UNG: variants seen among roughly 807,000 people sequenced by gnomAD.
UNG encodes the protein uracil-DNA glycosylase.
A neutral mutation model predicts 36.5 loss-of-function variants in UNG; 34 were observed. The ratio of observed to expected loss-of-function variants is 0.93; its 90% CI spans 0.71 to 1.24. UNG has a LOEUF of 1.24. Ranked by LOEUF, UNG falls within the 50% of genes most tolerant of loss-of-function variation. The probability of loss-of-function intolerance (pLI) is 0.00; values close to 1 mark genes in which losing one functional copy is unlikely to be tolerated. For synonymous variants in UNG, 172 were observed against 157.8 expected (o/e 1.09, Z -0.67); for missense variants, 391 against 397.6 (o/e 0.98, Z 0.14).
chr12:109,101,949 A>G lies in UNG; in HGVS notation c.483A>G (p.Gln161=). Residue 161 remains glutamine (Q), a synonymous_variant, in exon 4 of 7, where the codon CAA becomes CAG. Transcript: ENST00000242576. ...LGQDPYHGPN[Q]AHGLCFSVQR... Reference sequence around the variant, plus strand: ...AGGATCCATATCATGGACCTAATCAAGCTCACGGGCTCTGCTTTAGTGTTC... The same window carrying G: ...AGGATCCATATCATGGACCTAATCAGGCTCACGGGCTCTGCTTTAGTGTTC... 1 of 1,614,088 alleles carries G rather than the reference A, an allele frequency of 6.2e-7. No individual in the cohort carries two copies. The highest frequency in any genetic ancestry group is 1.7e-5 in the Admixed American group (1 of 60,018).
rs2042251214 is a variant in UNG, at chr12:109,110,241, CTT to C, written c.*274_*275del. On this transcript the variant is annotated 3_prime_UTR_variant, in exon 7 of 7. Transcript: ENST00000242576. ...TGAGGTCAAATACTCAGTTGGCTCT[CTT>C]TATCTCCCTTGCCTTTATGGTGAAA... 2.1e-6 allele frequency: 1 copy of C among 483,672 alleles called. No homozygotes were observed. The highest frequency in any genetic ancestry group is 2.0e-5 in the African/African-American group (1 of 51,182). 30.0% of individuals were successfully genotyped at this position (483,672 alleles called of 1,614,324 possible).
chr12:109,106,922 T>TAC (rs1166230633), intron 6 of UNG, among the ~76,000 whole-genome samples: 14 of 67,818 alleles, frequency 2.1e-4, no homozygotes, highest in African/African-American at 6.8e-4. Flanking sequence ...TATATGTGTA[T>TAC]ATATATATAT....
At chr12:109,098,212 A>G (rs1430730327) in intron 1 of UNG, 7 of 1,455,788 alleles carry the variant, frequency 4.8e-6, no homozygotes, top group Non-Finnish European at 6.3e-6. Flanking sequence ...TCGGGAAGCC[A>G]TAGGGCGCCT....
At chr12:109,100,217 C>G (rs540976884) in intron 3 of UNG, among the ~76,000 whole-genome samples, 1 of 152,322 alleles carries the variant, frequency 6.6e-6, no homozygotes, top group African/African-American at 2.4e-5. Flanking sequence ...CCACTTCTGT[C>G]TCTTAAAAAT....
chr12:109,098,706 G>A, intron 2 of UNG, 68 bp downstream of exon 2: 2 of 1,603,184 alleles, frequency 1.2e-6, no homozygotes, highest in Non-Finnish European at 1.7e-6. Context: ...TCTTGTTAGT[G>A]TAGCCGGCCA....
chr12:109,106,460 T>C (rs983760239), intron 6 of UNG, among the ~76,000 whole-genome samples: 4 of 152,024 alleles, frequency 2.6e-5, no homozygotes, highest in Admixed American at 2.0e-4. Flanking sequence ...AGTTTTTATA[T>C]ACAGAAAAGA....
In UNG at chr12:109,103,461, G is replaced by C; in HGVS notation, c.651G>C (p.Thr217=). The part of the protein sequence containing the change: ...QGVLLLNAVL[T]VRAHQANSHK... ...TTCTCCTTCTCAACGCTGTCCTCAC[G>C]GTTCGTGCCCATCAAGCCAACTCTC... is the stretch of plus-strand genomic sequence containing the variant. Residue 217 remains threonine, a synonymous_variant, in exon 6 of 7, where the codon ACG becomes ACC. Transcript: ENST00000242576. 1 of 1,614,134 alleles carries C rather than the reference G, an allele frequency of 6.2e-7. No homozygotes were observed.
intron 6 of UNG, among the ~76,000 whole-genome samples, chr12:109,105,674 C>G (rs1377963500): frequency 6.6e-6 from 1 of 152,230 alleles, no homozygotes; most frequent in Non-Finnish European, 1.5e-5. Flanking sequence ...GTTGTCCAGC[C>G]AGATCTATTA....
At chr12:109,105,512 C>A (rs763160689) in intron 6 of UNG, among the ~76,000 whole-genome samples, 3 of 152,244 alleles carry the variant, frequency 2.0e-5, no homozygotes, top group Non-Finnish European at 4.4e-5. Flanking sequence ...AGCCCAGTGT[C>A]TCTTCTGATC....
intron 6 of UNG, 132 bp from the exon 7 acceptor site, chr12:109,109,697 C>G (rs1344560825): frequency 9.1e-7 from 1 of 1,099,838 alleles, no homozygotes; most frequent in Non-Finnish European, 1.3e-6. Flanking sequence ...GCAGGAGAAT[C>G]GCTTGAACCC....
At chr12:109,102,423 AG>A (rs1175411802) in intron 4 of UNG, among the ~76,000 whole-genome samples, 1 of 151,764 alleles carries the variant, frequency 6.6e-6, no homozygotes, top group Non-Finnish European at 1.5e-5. Context: ...GGTGGCAGTG[AG>A]CCGAGATCCT....
chr12:109,105,902 G>A (rs1225881559), intron 6 of UNG, among the ~76,000 whole-genome samples: 1 of 152,220 alleles, frequency 6.6e-6, no homozygotes, highest in Non-Finnish European at 1.5e-5. Context: ...TGATTTCAGG[G>A]GGGTAGAGGG....
chr12:109,108,145 C>T (rs1009872138), intron 6 of UNG, among the ~76,000 whole-genome samples: 1 of 152,082 alleles, frequency 6.6e-6, no homozygotes, highest in Non-Finnish European at 1.5e-5. Context: ...TACATTTAGC[C>T]AGTTCTGTAA....
intron 4 of UNG, among the ~76,000 whole-genome samples, chr12:109,102,289 T>C (rs961013020): frequency 2.0e-5 from 3 of 152,136 alleles, no homozygotes; most frequent in African/African-American, 7.2e-5. Flanking sequence ...CAAAAGTCCC[T>C]TGGGGGCGTA....
At chr12:109,103,396 T>A (rs2042192997) in intron 5 of UNG, 37 bp from the exon 6 acceptor site, 3 of 1,606,392 alleles carry the variant, frequency 1.9e-6, no homozygotes, top group Non-Finnish European at 2.6e-6. Context: ...CTGATTTGCC[T>A]GAGCCTACAT....
At chr12:109,099,351 C>T (rs373266025) in intron 3 of UNG, 67 bp downstream of exon 3, 2 of 1,358,206 alleles carry the variant, frequency 1.5e-6, no homozygotes, top group Non-Finnish European at 1.0e-6. Flanking sequence ...AAATTAGGGA[C>T]ACTGGAGTTA....
intron 6 of UNG, among the ~76,000 whole-genome samples, chr12:109,106,107 G>T (rs536281054): frequency 6.6e-6 from 1 of 152,198 alleles, no homozygotes; most frequent in African/African-American, 2.4e-5. Context: ...ATTTACAGGG[G>T]CCTGTGCTGC....
rs932777994 is a variant in UNG at position 109,110,830 on chromosome 12, T to C, written c.*861T>C. The C allele has an allele frequency of 7.3e-5, 11 of 151,566 alleles. No individual in the cohort carries two copies. The highest frequency in any genetic ancestry group is 2.4e-4 in the African/African-American group (10 of 41,242). 9.4% of individuals were successfully genotyped at this position (151,566 alleles called of 1,614,324 possible). ...GTTTTAGTTTTTTAAGAAGTACTCA[T>C]GCAGATATATATATATATATTTTTC... On this transcript the variant is annotated 3_prime_UTR_variant, in exon 7 of 7. Transcript: ENST00000242576.
rs577098816 is a variant in UNG, at chr12:109,102,356, T to A, written c.533+357T>A. Among the ~76,000 whole-genome samples, 46 of 152,134 alleles carry A rather than the reference T, an allele frequency of 3.0e-4. No homozygotes were observed. The South Asian group carries it at 9.5e-3, about 32-fold the overall frequency. On this transcript the variant is annotated intron_variant, in intron 4 of 6. Coordinates refer to ENST00000242576, the MANE Select transcript of UNG (RefSeq NM_080911.3). ...GGCCGGGCGCGGTGACTCACGCCTG[T>A]AATCCCAGCACTTTGGGAGGCTGAG...
Sources: gnomAD v4.1 joint callset for allele counts (sites outside exome capture counted in the v4.1 genomes callset) on GRCh38, gnomAD v4.1.1 for gene constraint, MANE v1.5 for transcripts, NCBI Gene and HGNC (gene_info 2026-07-23, HGNC 2026-07-21) for gene names.